The following TMEM132D variants were observed in gnomAD, a reference collection of about 807,000 sequenced individuals.
TMEM132D encodes mature OL transmembrane protein.
A neutral mutation model predicts 62.3 loss-of-function variants in TMEM132D; 21 were observed. The ratio of observed to expected loss-of-function variants is 0.34; its 90% CI spans 0.24 to 0.49. The LOEUF (loss-of-function observed/expected upper bound fraction) is 0.49. TMEM132D is among the 20% of genes least tolerant of loss of function. TMEM132D has a pLI of 0.99. For missense variants in TMEM132D, 1,346 were observed against 1,402.8 expected (o/e 0.96, Z 0.65); for synonymous variants, 621 against 575.6 (o/e 1.08, Z -1.13).
Position 129,893,166 on chromosome 12 carries a change from C to A in TMEM132D, c.79+10095G>T, listed in dbSNP as rs191531438. Among the ~76,000 whole-genome samples the A allele has an allele frequency of 4.1e-3, 618 of 152,186 alleles. 5 individuals are homozygous for A. Among genetic ancestry groups the A allele is most frequent in the African/African-American group, 0.014 (599 of 41,524 alleles). ...CTGGGATTACAGGCAGGAGCCACCA[C>A]GCCTGGCTTAAGGACTCCTTTTTGT... On this transcript the variant is annotated intron_variant, in intron 1 of 8. Transcript: ENST00000422113.
Position 129,139,256 on chromosome 12 carries a change from C to A in TMEM132D, c.1444-54554G>T, listed in dbSNP as rs553862213. On this transcript the variant is annotated intron_variant, in intron 5 of 8. Transcript: ENST00000422113. ...TAGAGAGCAAAACATTTCCAGTAGTCTCTGACTTCAAAGAAAGTGTGTGTG... is the reference window on the plus strand; with the variant it reads ...TAGAGAGCAAAACATTTCCAGTAGTATCTGACTTCAAAGAAAGTGTGTGTG... Among the ~76,000 whole-genome samples, 5 of 152,282 alleles carry A rather than the reference C, an allele frequency of 3.3e-5. No homozygotes were observed. The South Asian group carries it at 1.0e-3, about 32-fold the overall frequency.
rs530652865 is a variant in TMEM132D, at chr12:129,130,474, T to C, written c.1444-45772A>G. Among the ~76,000 whole-genome samples the C allele has an allele frequency of 3.3e-5, 5 of 152,240 alleles. 1 individual carries two copies. In the East Asian group the frequency reaches 9.7e-4, roughly 29 times the overall value. On this transcript the variant is annotated intron_variant, in intron 5 of 8. Transcript: ENST00000422113. Reference sequence around the variant, plus strand: ...CAAGCGCACTCTGGAATGAATGCCCTAGTGCTAACCACCGTCCGCGGTCTG... The same window carrying C: ...CAAGCGCACTCTGGAATGAATGCCCCAGTGCTAACCACCGTCCGCGGTCTG...
intron 5 of TMEM132D, among the ~76,000 whole-genome samples, chr12:129,151,318 G>C (rs1434186400): frequency 1.3e-5 from 2 of 152,178 alleles, no homozygotes; most frequent in Non-Finnish European, 2.9e-5. Context: ...GGAGAGAAGT[G>C]AGCCAGGACT....
intron 1 of TMEM132D, among the ~76,000 whole-genome samples, chr12:129,734,578 A>G (rs1869358590): frequency 6.6e-6 from 1 of 152,246 alleles, no homozygotes; most frequent in African/African-American, 2.4e-5. Context: ...CCATAAGCCC[A>G]TAAATTCAAC....
chr12:129,482,760 T>C (rs1415764455), intron 3 of TMEM132D, among the ~76,000 whole-genome samples: 1 of 151,888 alleles, frequency 6.6e-6, no homozygotes, highest in Non-Finnish European at 1.5e-5. Flanking sequence ...TAATTTTAAA[T>C]ACAACATCTT....
At chr12:129,567,732 T>C (rs1324706597) in intron 2 of TMEM132D, among the ~76,000 whole-genome samples, 1 of 152,160 alleles carries the variant, frequency 6.6e-6, no homozygotes, top group African/African-American at 2.4e-5. Flanking sequence ...GGCTTTACAA[T>C]TGCTTTTTAA....
At chr12:129,810,117 A>G (rs1242787422) in intron 1 of TMEM132D, among the ~76,000 whole-genome samples, 1 of 152,156 alleles carries the variant, frequency 6.6e-6, no homozygotes, top group Non-Finnish European at 1.5e-5. Context: ...CACAAACATT[A>G]AGTTGGCGGT....
In TMEM132D at chr12:129,425,818, A is replaced by C. The variant is rs144755380; in HGVS notation, c.1116-88001T>G. ...ATGTGAAGTAGTGATAATCGTCTCT[A>C]GTCTACAGACTTGGAGACTAATGTT... On this transcript the variant is annotated intron_variant, in intron 3 of 8. Transcript: ENST00000422113. Among the ~76,000 whole-genome samples, 918 of 152,356 alleles carry C rather than the reference A, an allele frequency of 6.0e-3. 3 individuals carry two copies. The highest frequency in any genetic ancestry group is 9.8e-3 in the Admixed American group (150 of 15,308).
chr12:129,185,717 C>CT (rs1212916037), intron 5 of TMEM132D, among the ~76,000 whole-genome samples: 3 of 143,238 alleles, frequency 2.1e-5, no homozygotes, highest in African/African-American at 9.1e-5. Flanking sequence ...CTGTCTGTCT[C>CT]TATCTATCTG....
At chr12:129,497,261 T>C (rs1874987510) in intron 3 of TMEM132D, among the ~76,000 whole-genome samples, 1 of 152,136 alleles carries the variant, frequency 6.6e-6, no homozygotes, top group African/African-American at 2.4e-5. Context: ...TGGGCTGAGA[T>C]GGAACTACTG....
intron 1 of TMEM132D, among the ~76,000 whole-genome samples, chr12:129,771,556 C>T (rs10847942): frequency 0.025 from 3,739 of 152,284 alleles, 233 homozygotes; most frequent in East Asian, 0.18. Flanking sequence ...GGGCCATGTA[C>T]GTGCTTTGGA....
intron 1 of TMEM132D, among the ~76,000 whole-genome samples, chr12:129,832,271 G>A (rs1443929990): frequency 6.6e-6 from 1 of 151,554 alleles, no homozygotes; most frequent in Middle Eastern, 3.4e-3. Flanking sequence ...AGAGGAAAAA[G>A]GGGGAGGGAA....
intron 5 of TMEM132D, among the ~76,000 whole-genome samples, chr12:129,164,750 C>A (rs2016001): frequency 0.6 from 90,715 of 151,612 alleles, 27,840 homozygotes; most frequent in Non-Finnish European, 0.67. Flanking sequence ...ACAAGAACAA[C>A]ATGGGGGAAA....
intron 2 of TMEM132D, among the ~76,000 whole-genome samples, chr12:129,537,251 T>A (rs1282307433): frequency 2.0e-5 from 3 of 151,938 alleles, no homozygotes; most frequent in Non-Finnish European, 2.9e-5. Context: ...ATTGAAATAA[T>A]GTGTGCTACA....
intron 1 of TMEM132D, among the ~76,000 whole-genome samples, chr12:129,816,963 T>C (rs1233776925): frequency 6.6e-6 from 1 of 152,256 alleles, no homozygotes. Flanking sequence ...GCTCTTATTA[T>C]AGTCATCTAA....
intron 1 of TMEM132D, among the ~76,000 whole-genome samples, chr12:129,887,214 T>C (rs1874776937): frequency 6.6e-6 from 1 of 152,276 alleles, no homozygotes; most frequent in Admixed American, 6.5e-5. Flanking sequence ...GAGGAGCCTG[T>C]GCAGACCGCC....
chr12:129,447,883 C>CTATT (rs1396855680), intron 3 of TMEM132D, among the ~76,000 whole-genome samples: 1 of 152,170 alleles, frequency 6.6e-6, no homozygotes, highest in Non-Finnish European at 1.5e-5. Flanking sequence ...CATCTGGGTA[C>CTATT]TATTTATCTG....
At chr12:129,730,077 A>G (rs1018399073) in intron 1 of TMEM132D, among the ~76,000 whole-genome samples, 2 of 152,164 alleles carry the variant, frequency 1.3e-5, no homozygotes, top group Non-Finnish European at 2.9e-5. Flanking sequence ...CTTGCACCCA[A>G]GTGAATAAAC....
intron 1 of TMEM132D, among the ~76,000 whole-genome samples, chr12:129,902,309 T>A (rs1310146797): frequency 6.6e-6 from 1 of 152,174 alleles, no homozygotes; most frequent in Non-Finnish European, 1.5e-5. Context: ...GGTACAGGGT[T>A]CTTGCAGCAC....
Sources: allele counts gnomAD v4.1 joint callset (sites outside exome capture counted in the v4.1 genomes callset), GRCh38; gene constraint gnomAD v4.1.1; transcripts MANE v1.5; gene names NCBI Gene and HGNC (gene_info 2026-07-23, HGNC 2026-07-21).